Variants in YAP1 observed in about 807,000 individuals in gnomAD.
YAP1 encodes Yes1 associated transcriptional regulator.
In YAP1, 5 loss-of-function variants were observed where a neutral mutation model predicts 56.9. That is an observed-to-expected ratio of 0.09 (90% CI 0.05 to 0.18). The LOEUF is 0.18. Among genes scored for constraint, YAP1 ranks in the 10% least tolerant of loss-of-function variants. The probability of loss-of-function intolerance (pLI) is 1.00; values close to 1 mark genes in which losing one functional copy is unlikely to be tolerated. For synonymous variants in YAP1, 265 were observed against 248.1 expected, an observed-to-expected ratio of 1.07 and a Z score of -0.64; for missense variants, 539 against 651.8, an observed-to-expected ratio of 0.83 and a Z score of 1.88.
intron 6 of YAP1, among the ~76,000 whole-genome samples, chr11:102,215,812 G>A (rs1239898044): frequency 6.6e-6 from 1 of 152,094 alleles, no homozygotes; most frequent in African/African-American, 2.4e-5. Context: ...AACATAGTAT[G>A]TTTCATTGGG....
chr11:102,151,910 T>C (rs1410028464), intron 2 of YAP1, among the ~76,000 whole-genome samples: 7 of 152,188 alleles, frequency 4.6e-5, no homozygotes, highest in African/African-American at 1.2e-4. Flanking sequence ...AGGATTGGGC[T>C]ACAAGGTTAA....
At chr11:102,199,752 G>A (rs1486268524) in intron 4 of YAP1, among the ~76,000 whole-genome samples, 6 of 152,146 alleles carry the variant, frequency 3.9e-5, no homozygotes, top group Non-Finnish European at 8.8e-5. Flanking sequence ...AGTTTTAGGG[G>A]CCATTTGGCT....
rs137934409 is a variant in YAP1, at chr11:102,175,236, C to G, written c.689-10782C>G. Among the ~76,000 whole-genome samples, 397 of 152,168 alleles carry G rather than the reference C, an allele frequency of 2.6e-3. 2 individuals carry two copies. Among genetic ancestry groups the G allele is most frequent in the African/African-American group, 9.3e-3 (385 of 41,510 alleles). ...CCAACATGGTGAAACCCCGTCTCTA[C>G]TAAAAATACAAAAATTAGCCGGGCA... On this transcript the variant is annotated intron_variant, in intron 3 of 8. Transcript: ENST00000282441.
intron 4 of YAP1, among the ~76,000 whole-genome samples, chr11:102,187,084 A>G (rs1948006077): frequency 6.6e-6 from 1 of 152,148 alleles, no homozygotes; most frequent in South Asian, 2.1e-4. Context: ...GGAAAGAGGA[A>G]TTAACTCTGT....
At chr11:102,141,955 C>G (rs1260970697) in intron 2 of YAP1, among the ~76,000 whole-genome samples, 3 of 152,212 alleles carry the variant, frequency 2.0e-5, no homozygotes, top group Admixed American at 6.5e-5. Flanking sequence ...AGAACTTTTG[C>G]AGCTCTAAAA....
chr11:102,144,855 AACACACACAC>A (rs565769543), intron 2 of YAP1, among the ~76,000 whole-genome samples: 1 of 100,936 alleles, frequency 9.9e-6, no homozygotes, highest in African/African-American at 2.8e-5. Context: ...CTTTGGCCAA[AACACACACAC>A]ACACACACAC....
At chr11:102,153,978 A>G (rs901355815) in intron 2 of YAP1, among the ~76,000 whole-genome samples, 1 of 152,178 alleles carries the variant, frequency 6.6e-6, no homozygotes, top group African/African-American at 2.4e-5. Context: ...CTAAGTGATC[A>G]TGTTACTTAA....
chr11:102,123,630 TTC>T (rs919076130), intron 2 of YAP1, among the ~76,000 whole-genome samples: 1 of 93,252 alleles, frequency 1.1e-5, no homozygotes, highest in African/African-American at 3.3e-5. Flanking sequence ...CCGTTTTCTT[TTC>T]TTTTTTTTTT....
chr11:102,149,418 A>C (rs1444425897), intron 2 of YAP1, among the ~76,000 whole-genome samples: 1 of 152,212 alleles, frequency 6.6e-6, no homozygotes, highest in Non-Finnish European at 1.5e-5. Flanking sequence ...TAGTGAGATA[A>C]AGGGTTCAAA....
intron 3 of YAP1, among the ~76,000 whole-genome samples, chr11:102,181,212 G>C (rs1015055972): frequency 1.3e-5 from 2 of 151,978 alleles, no homozygotes; most frequent in African/African-American, 4.8e-5. Flanking sequence ...TTGGGAGGTT[G>C]AGGTGGGCGG....
intron 6 of YAP1, among the ~76,000 whole-genome samples, chr11:102,218,554 C>A (rs535972792): frequency 6.6e-6 from 1 of 152,158 alleles, no homozygotes; most frequent in Non-Finnish European, 1.5e-5. Context: ...TGTTTTCATG[C>A]CAAATTCTTC....
At chr11:102,144,182 T>C (rs141606654) in intron 2 of YAP1, among the ~76,000 whole-genome samples, 49 of 152,184 alleles carry the variant, frequency 3.2e-4, no homozygotes, top group African/African-American at 1.1e-3. Flanking sequence ...TAATGAAAAG[T>C]GAAAATTCTT....
intron 6 of YAP1, among the ~76,000 whole-genome samples, chr11:102,219,148 C>T (rs1949798729): frequency 6.6e-6 from 1 of 152,156 alleles, no homozygotes; most frequent in Admixed American, 6.5e-5. Flanking sequence ...CTCCAATACT[C>T]CCATGTTTGT....
At chr11:102,227,792 G>A (rs1715898777) in intron 8 of YAP1, among the ~76,000 whole-genome samples, 1 of 152,094 alleles carries the variant, frequency 6.6e-6, no homozygotes, top group African/African-American at 2.4e-5. Flanking sequence ...GGATTGGCCG[G>A]GTGCAGTGGC....
At chr11:102,217,150 CT>C (rs568033330) in intron 6 of YAP1, among the ~76,000 whole-genome samples, 4 of 152,148 alleles carry the variant, frequency 2.6e-5, no homozygotes, top group Non-Finnish European at 5.9e-5. Flanking sequence ...GCCATTGGCC[CT>C]TCTTACTACA....
intron 4 of YAP1, among the ~76,000 whole-genome samples, chr11:102,187,387 A>G (rs1948027234): frequency 6.6e-6 from 1 of 152,086 alleles, no homozygotes; most frequent in African/African-American, 2.4e-5. Context: ...GTAATGAGGT[A>G]TGTTAATAAT....
chr11:102,117,288 A>G (rs190571168), intron 2 of YAP1, among the ~76,000 whole-genome samples: 246 of 152,308 alleles, frequency 1.6e-3, no homozygotes, highest in South Asian at 3.3e-3. Context: ...TTGTCATCAG[A>G]TGTAGAATGA....
intron 2 of YAP1, among the ~76,000 whole-genome samples, chr11:102,154,796 A>T (rs922850626): frequency 6.6e-6 from 1 of 152,192 alleles, no homozygotes; most frequent in Non-Finnish European, 1.5e-5. Context: ...TTTAACACCC[A>T]ATGTGTTACT....
At position 102,203,593 on chromosome 11, in the gene YAP1, A is replaced by G. The variant is rs141695936; in HGVS notation, c.803-2300A>G. On this transcript the variant is annotated intron_variant, in intron 4 of 8. Coordinates refer to ENST00000282441, the MANE Select transcript of YAP1 (RefSeq NM_001130145.3). ...AAAAGAGATTGGCCATGTATTAACA[A>G]TTGGGAAGAAAGCGAGTGATGAGTA... 5.3e-5 allele frequency among the ~76,000 whole-genome samples: 8 copies of G among 152,338 alleles called. No homozygotes were observed. In the East Asian group the frequency reaches 1.3e-3, roughly 26 times the overall value.
Sources: gnomAD v4.1 joint callset for allele counts (sites outside exome capture counted in the v4.1 genomes callset) on GRCh38, gnomAD v4.1.1 for gene constraint, MANE v1.5 for transcripts, NCBI Gene and HGNC (gene_info 2026-07-23, HGNC 2026-07-21) for gene names.